VPS41: variants seen among roughly 807,000 people sequenced by gnomAD.
VPS41 encodes vacuolar protein sorting-associated protein 41 homolog.
In VPS41, 85 loss-of-function variants were observed where a neutral mutation model predicts 130.9. The observed-to-expected ratio is 0.65, with a 90% CI of 0.55 to 0.78. The LOEUF (loss-of-function observed/expected upper bound fraction) is 0.78. Among genes scored for constraint, VPS41 ranks in the 30% least tolerant of loss-of-function variants. The probability of loss-of-function intolerance (pLI) is 0.00; values close to 1 mark genes in which losing one functional copy is unlikely to be tolerated. For synonymous variants in VPS41, 335 were observed against 332.9 expected (o/e 1.01, Z -0.07); for missense variants, 874 against 1,018.7 (o/e 0.86, Z 1.93).
intron 27 of VPS41, among the ~76,000 whole-genome samples, chr7:38,727,405 C>T (rs1182944065): frequency 6.6e-6 from 1 of 152,358 alleles, no homozygotes; most frequent in Middle Eastern, 3.4e-3. Flanking sequence ...ACCTGGGTTA[C>T]AAGCCCAGGC....
chr7:38,847,787 AT>A (rs1006539896), intron 4 of VPS41, among the ~76,000 whole-genome samples: 5 of 152,150 alleles, frequency 3.3e-5, no homozygotes, highest in African/African-American at 1.2e-4. Flanking sequence ...GTGTGTTCTT[AT>A]TTTTCTCACT....
chr7:38,886,451 GTGTC>G (rs964967136), intron 2 of VPS41, among the ~76,000 whole-genome samples: 28 of 152,328 alleles, frequency 1.8e-4, no homozygotes, highest in African/African-American at 5.3e-4. Context: ...GGGGGGAGGG[GTGTC>G]TGCCGTTACT....
At chr7:38,752,970 A>G (rs769547994) in intron 21 of VPS41, among the ~76,000 whole-genome samples, 1 of 152,200 alleles carries the variant, frequency 6.6e-6, no homozygotes, top group Non-Finnish European at 1.5e-5. Context: ...GTGTTCTGAA[A>G]CAGTTTTCAA....
intron 10 of VPS41, among the ~76,000 whole-genome samples, chr7:38,777,474 T>TAC (rs1225622577): frequency 8.5e-5 from 13 of 152,202 alleles, no homozygotes; most frequent in Non-Finnish European, 2.9e-5. Context: ...AGCTCAGAAG[T>TAC]ACACATATTA....
chr7:38,773,751 C>T (rs73694736), intron 12 of VPS41, among the ~76,000 whole-genome samples: 5,505 of 152,214 alleles, frequency 0.036, 120 homozygotes, highest in Non-Finnish European at 0.042. Flanking sequence ...CACCCCAGAG[C>T]GAACTTTCCT....
At chr7:38,734,044 C>T (rs1795718759) in intron 25 of VPS41, among the ~76,000 whole-genome samples, 1 of 152,218 alleles carries the variant, frequency 6.6e-6, no homozygotes, top group African/African-American at 2.4e-5. Context: ...TGTGACTGCA[C>T]CACTGCCATG....
In VPS41 at chr7:38,796,728, A is replaced by C. The variant is rs1440067576; in HGVS notation, c.570+17T>G. 6.2e-7 allele frequency: 1 copy of C among 1,613,582 alleles called. No individual in the cohort carries two copies. Among genetic ancestry groups the C allele is most frequent in the Non-Finnish European group, 8.5e-7 (1 of 1,179,600 alleles). On this transcript the variant is annotated intron_variant, in intron 8 of 28. Coordinates refer to ENST00000310301, the MANE Select transcript of VPS41 (RefSeq NM_014396.4). Reference sequence around the variant, plus strand: ...GCCACTGAACAAGCATTAGGAAGACAGAGGCATATTTTTTACCATATTATT... The same window carrying C: ...GCCACTGAACAAGCATTAGGAAGACCGAGGCATATTTTTTACCATATTATT...
chr7:38,758,357 T>G lies in VPS41; in HGVS notation c.1547A>C (p.Glu516Ala). Residue 516 changes from glutamate (E) to alanine (A), a missense_variant, in exon 18 of 29, where the codon GAA becomes GCA. Coordinates refer to ENST00000310301, the MANE Select transcript of VPS41 (RefSeq NM_014396.4). The stretch of plus-strand genomic sequence containing the variant: ...AGAAACACTTAAGTATACTCACAAT[T>G]CTGCCAGGGTTTTAAGTAAAGTCTT... Reference protein sequence around the residue: ...QNKTLLKTLAELYTYDKNYGN... With the variant: ...QNKTLLKTLAALYTYDKNYGN... 1 of 1,607,168 alleles carries G rather than the reference T, an allele frequency of 6.2e-7. No homozygotes were observed. The highest frequency in any genetic ancestry group is 8.5e-7 in the Non-Finnish European group (1 of 1,178,134).
chr7:38,752,213 G>T lies in VPS41; in HGVS notation c.1889C>A (p.Pro630His), dbSNP rs1259433517. 1 of 1,613,974 alleles carries T rather than the reference G, an allele frequency of 6.2e-7. No individual in the cohort carries two copies. The highest frequency in any genetic ancestry group is 8.5e-7 in the Non-Finnish European group (1 of 1,179,888). Reference sequence around the variant, plus strand: ...GCAATGGGTACTGTCTCGGAGAAAGGGAAGTAAGTTTGGTCGATCATATTC... The same window carrying T: ...GCAATGGGTACTGTCTCGGAGAAAGTGAAGTAAGTTTGGTCGATCATATTC... The part of the protein sequence containing the change: ...YAEYDRPNLL[P>H]FLRDSTHCPL... The change falls in exon 22 of 29, where the codon CCC becomes CAC. Residue 630 changes from proline (P) to histidine (H), a missense_variant. Transcript: ENST00000310301.
At position 38,724,604 on chromosome 7, in the gene VPS41, C is replaced by CTTTTCTTTTCTTTT. The variant is rs1554285070; in HGVS notation, c.*1641_*1642insAAAAGAAAAGAAAA. 1 of 148,448 alleles carries CTTTTCTTTTCTTTT rather than the reference C, an allele frequency of 6.7e-6. No homozygotes were observed. The highest frequency in any genetic ancestry group is 1.5e-5 in the Non-Finnish European group (1 of 68,522). The allele number at this position is 148,448 out of a possible 1,614,324, so 9.2% of individuals were successfully genotyped here. Reference sequence around the variant, plus strand: ...CCTATGATTTCTTTTCTTTTCTTTTCTTTTTTGAGACGGAGTTTTGCTCTT... The same window carrying CTTTTCTTTTCTTTT: ...CCTATGATTTCTTTTCTTTTCTTTTCTTTTCTTTTCTTTTTTTTTTGAGACGGAGTTTTGCTCTT... On this transcript the variant is annotated 3_prime_UTR_variant, in exon 29 of 29. Transcript: ENST00000310301.
intron 4 of VPS41, among the ~76,000 whole-genome samples, chr7:38,855,208 CAAAAA>C (rs746134361): frequency 1.3e-5 from 1 of 77,254 alleles, no homozygotes. Flanking sequence ...GACTCCCTCT[CAAAAA>C]AAAAAAAAAA....
chr7:38,854,321 G>T (rs1163585802), intron 4 of VPS41, among the ~76,000 whole-genome samples: 1 of 152,186 alleles, frequency 6.6e-6, no homozygotes, highest in Non-Finnish European at 1.5e-5. Flanking sequence ...GCATACTACA[G>T]ATGGTATTTG....
chr7:38,892,225 G>A (rs2116419030), intron 2 of VPS41, among the ~76,000 whole-genome samples: 1 of 152,012 alleles, frequency 6.6e-6, no homozygotes, highest in East Asian at 1.9e-4. Flanking sequence ...CCTAAAAACA[G>A]AGAGTCAAAA....
intron 2 of VPS41, among the ~76,000 whole-genome samples, chr7:38,874,318 T>G (rs1294940302): frequency 6.6e-6 from 1 of 152,202 alleles, no homozygotes; most frequent in Non-Finnish European, 1.5e-5. Context: ...TGGATACCAT[T>G]TCTTTATTAA....
intron 7 of VPS41, among the ~76,000 whole-genome samples, chr7:38,803,001 T>G (rs891269479): frequency 5.3e-5 from 8 of 152,242 alleles, no homozygotes; most frequent in African/African-American, 1.9e-4. Flanking sequence ...TTTAGGGCTT[T>G]ATTTCCCATA....
chr7:38,783,938 C>A (rs1784395839), intron 10 of VPS41, among the ~76,000 whole-genome samples: 1 of 152,132 alleles, frequency 6.6e-6, no homozygotes, highest in East Asian at 1.9e-4. Flanking sequence ...TTTATAGATA[C>A]ATTTTATTGA....
chr7:38,862,748 G>A, intron 3 of VPS41, 126 bp from the exon 4 acceptor site: 1 of 613,544 alleles, frequency 1.6e-6, no homozygotes. Context: ...CAAAAGATAT[G>A]CATGCCTTGG....
intron 3 of VPS41, among the ~76,000 whole-genome samples, chr7:38,864,130 T>C (rs748430496): frequency 3.9e-5 from 6 of 152,210 alleles, no homozygotes; most frequent in Non-Finnish European, 8.8e-5. Flanking sequence ...TTTCACAATA[T>C]TGATTCTCCT....
Position 38,877,343 on chromosome 7 carries a change from A to AG in VPS41, c.61-8091dup, listed in dbSNP as rs1786513547. On this transcript the variant is annotated intron_variant, in intron 2 of 28. Transcript: ENST00000310301. ...GCAGACACAGAGAAGGAGGGGTAAA[A>AG]GGGGGAGCAGGGAGGTCGAGGCACC... Among the ~76,000 whole-genome samples, 3 of 152,236 alleles carry AG rather than the reference A, an allele frequency of 2.0e-5. No homozygotes were observed. The South Asian group carries it at 6.2e-4, about 32-fold the overall frequency.
Sources: gnomAD v4.1 joint callset for allele counts (sites outside exome capture counted in the v4.1 genomes callset) on GRCh38, gnomAD v4.1.1 for gene constraint, MANE v1.5 for transcripts, NCBI Gene and HGNC (gene_info 2026-07-23, HGNC 2026-07-21) for gene names.